AASDH: variants seen among roughly 807,000 people sequenced by gnomAD.
AASDH encodes beta-alanine-activating enzyme.
AASDH carries 81 observed loss-of-function variants against 102.3 expected under a neutral mutation model. That is an observed-to-expected ratio of 0.79 (90% CI 0.66 to 0.95). The LOEUF is 0.95. AASDH is among the 40% of genes least tolerant of loss of function. The pLI, the probability that AASDH is intolerant of heterozygous loss-of-function variation, is 0.00. For missense variants in AASDH, 1,203 were observed against 1,266.2 expected, an observed-to-expected ratio of 0.95 and a Z score of 0.76; for synonymous variants, 398 against 454.0, an observed-to-expected ratio of 0.88 and a Z score of 1.57.
In AASDH at chr4:56,353,487, A is replaced by T. The variant is rs1323659577; in HGVS notation, c.1493T>A (p.Phe498Tyr). ...TGGAAGATATTTCTGCAGTTCTTTAAAGATGTATTCTTTTACTGAAGCATC... is the reference window on the plus strand; with the variant it reads ...TGGAAGATATTTCTGCAGTTCTTTATAGATGTATTCTTTTACTGAAGCATC... ...SKDASVKEYI[F>Y]KELQKYLPSH... The change falls in exon 9 of 15, where the codon TTT (phenylalanine) becomes TAT (tyrosine). Residue 498 changes from phenylalanine to tyrosine, a missense_variant. By Grantham distance (22) the Phe-to-Tyr change is conservative (BLOSUM62 3). Coordinates refer to ENST00000205214, the MANE Select transcript of AASDH (RefSeq NM_181806.4). The T allele has an allele frequency of 1.2e-6, 2 of 1,613,926 alleles. No individual in the cohort carries two copies. The highest frequency in any genetic ancestry group is 1.7e-6 in the Non-Finnish European group (2 of 1,179,976).
At chr4:56,348,990 T>C in intron 11 of AASDH, 1 of 480,742 alleles carries the variant, frequency 2.1e-6, no homozygotes, top group Non-Finnish European at 3.7e-6. Context: ...ATTTTATTAT[T>C]ATTCCCATTT....
Position 56,349,788 on chromosome 4 carries a change from C to T in AASDH, c.1963G>A (p.Glu655Lys). ...KRKLSDINQE[E>K]ASGTSLHQKA... ...TGATGTAAAGATGTTCCACTGGCTT[C>T]CTCTTGATTAATGTCGCTGAGTTTC... The change falls in exon 11 of 15, where the codon GAA (glutamate) becomes AAA (lysine). Residue 655 changes from glutamate to lysine, a missense_variant. Glu to Lys is a moderately conservative substitution (Grantham distance 56). Transcript: ENST00000205214. The T allele has an allele frequency of 6.2e-7, 1 of 1,614,200 alleles. No homozygotes were observed. Among genetic ancestry groups the T allele is most frequent in the Non-Finnish European group, 8.5e-7 (1 of 1,180,036 alleles).
Position 56,371,501 on chromosome 4 carries a change from A to G in AASDH, c.811T>C (p.Ser271Pro), listed in dbSNP as rs2109971101. Residue 271 changes from serine (S) to proline (P), a missense_variant, in exon 5 of 15, where the codon TCA becomes CCA. Transcript: ENST00000205214. ...GAAAAGAGAACGCTGGCTAATTTTG[A>G]TGGGAGCAACTTGACGGAAGTTGGT... ...IVPTSVKLLP[S>P]KLASVLFSHH... is the part of the protein sequence containing the mutation. 1 of 1,613,178 alleles carries G rather than the reference A, an allele frequency of 6.2e-7. No homozygotes were observed. Among genetic ancestry groups the G allele is most frequent in the Non-Finnish European group, 8.5e-7 (1 of 1,179,898 alleles).
At chr4:56,345,668 A>G (rs928798741) in intron 11 of AASDH, among the ~76,000 whole-genome samples, 4 of 152,208 alleles carry the variant, frequency 2.6e-5, no homozygotes, top group Middle Eastern at 3.2e-3. Context: ...CTAAGCCCCA[A>G]ATTATTCATC....
chr4:56,339,748 C>CAA (rs3036859), intron 14 of AASDH, among the ~76,000 whole-genome samples: 23,347 of 127,858 alleles, frequency 0.18, 2,329 homozygotes, highest in Admixed American at 0.27. Context: ...GACCTTGTTT[C>CAA]AAAAAAAAAA....
At chr4:56,380,122 C>T (rs1486487213) in intron 3 of AASDH, among the ~76,000 whole-genome samples, 3 of 152,080 alleles carry the variant, frequency 2.0e-5, no homozygotes, top group Admixed American at 1.3e-4. Context: ...TATTCTGTTA[C>T]AAGAGGAGTG....
intron 14 of AASDH, among the ~76,000 whole-genome samples, chr4:56,342,275 G>C (rs979239841): frequency 6.6e-6 from 1 of 152,188 alleles, no homozygotes; most frequent in East Asian, 1.9e-4. Context: ...GTATATTTCA[G>C]AACAGCTAAA....
At chr4:56,374,286 T>A (rs1342381276) in intron 4 of AASDH, among the ~76,000 whole-genome samples, 1 of 146,460 alleles carries the variant, frequency 6.8e-6, no homozygotes, top group East Asian at 2.0e-4. Flanking sequence ...AAGAATAGCT[T>A]GAACCTGGGA....
intron 3 of AASDH, among the ~76,000 whole-genome samples, 189 bp from the exon 4 acceptor site, chr4:56,378,653 A>C (rs11724302): frequency 0.016 from 2,443 of 152,050 alleles, 78 homozygotes; most frequent in African/African-American, 0.055. Context: ...TTGCATATAA[A>C]CCATGCACAT....
intron 5 of AASDH, among the ~76,000 whole-genome samples, chr4:56,367,740 T>A (rs1277166459): frequency 6.7e-6 from 1 of 149,964 alleles, no homozygotes; most frequent in East Asian, 1.9e-4. Context: ...AAGACTTACA[T>A]GTTAGACCTA....
intron 8 of AASDH, among the ~76,000 whole-genome samples, 177 bp downstream of exon 8, chr4:56,353,862 C>T (rs896659930): frequency 3.3e-5 from 5 of 152,038 alleles, no homozygotes; most frequent in African/African-American, 1.2e-4. Context: ...AAAGAATAAC[C>T]ATCTCTTCAT....
At position 56,363,713 on chromosome 4, in the gene AASDH, C is replaced by T. The variant is rs184287615; in HGVS notation, c.861+7738G>A. Among the ~76,000 whole-genome samples the T allele has an allele frequency of 1.4e-3, 216 of 152,224 alleles. 1 individual carries two copies. Among genetic ancestry groups the T allele is most frequent in the African/African-American group, 5.0e-3 (206 of 41,516 alleles). On this transcript the variant is annotated intron_variant, in intron 5 of 14. Coordinates refer to ENST00000205214, the MANE Select transcript of AASDH (RefSeq NM_181806.4). ...ACAGAAAGGACATCCACACCAGAAA[C>T]CCATCTGTACGTCACCATCATCAAA...
At chr4:56,370,979 A>T (rs978079353) in intron 5 of AASDH, among the ~76,000 whole-genome samples, 5 of 152,262 alleles carry the variant, frequency 3.3e-5, no homozygotes, top group African/African-American at 1.2e-4. Flanking sequence ...ATCACCAGTC[A>T]GATACACATT....
At chr4:56,371,671 G>A (rs1454926980) in intron 4 of AASDH, 28 bp from the exon 5 acceptor site, 2 of 1,571,630 alleles carry the variant, frequency 1.3e-6, no homozygotes, top group African/African-American at 2.7e-5. Context: ...GCAGTTATGA[G>A]AAACGTCAAA....
chr4:56,371,895 T>G (rs1213344923), intron 4 of AASDH, among the ~76,000 whole-genome samples: 4 of 152,202 alleles, frequency 2.6e-5, no homozygotes, highest in Non-Finnish European at 5.9e-5. Flanking sequence ...TTTTGATGTG[T>G]CAACTTGGTT....
At chr4:56,354,656 G>C (rs1460061800) in intron 7 of AASDH, 49 bp downstream of exon 7, 1 of 1,344,576 alleles carries the variant, frequency 7.4e-7, no homozygotes, top group Non-Finnish European at 1.0e-6. Flanking sequence ...TAACACATCA[G>C]ATCATTTTTC....
At chr4:56,368,825 T>C (rs561810631) in intron 5 of AASDH, among the ~76,000 whole-genome samples, 1 of 150,748 alleles carries the variant, frequency 6.6e-6, no homozygotes, top group Non-Finnish European at 1.5e-5. Flanking sequence ...TATACATATG[T>C]AACAAACCTG....
chr4:56,345,272 A>G lies in AASDH; in HGVS notation c.2507T>C (p.Val836Ala), dbSNP rs951975005. 20 of 1,612,888 alleles carry G rather than the reference A, an allele frequency of 1.2e-5. No individual in the cohort carries two copies. Among genetic ancestry groups the G allele is most frequent in the Non-Finnish European group, 1.7e-5 (20 of 1,179,084 alleles). Reference protein sequence around the residue: ...FIVVGCYNGLVYVLKSNSGEK... With the variant: ...FIVVGCYNGLAYVLKSNSGEK... ...TCCACTATTACTTTTCAGAACATAA[A>G]CTAATCCATTATAACAGCCTACCAA... Residue 836 changes from valine (V) to alanine (A), a missense_variant, in exon 12 of 15, where the codon GTT (valine) becomes GCT (alanine). Coordinates refer to ENST00000205214, the MANE Select transcript of AASDH (RefSeq NM_181806.4).
chr4:56,338,727 T>C lies in AASDH; in HGVS notation c.2972A>G (p.Lys991Arg). The C allele has an allele frequency of 6.2e-7, 1 of 1,614,178 alleles. No homozygotes were observed. The highest frequency in any genetic ancestry group is 1.7e-5 in the Admixed American group (1 of 60,022). The stretch of plus-strand genomic sequence containing the variant: ...GCAATCATGGGAACCAAAAAATATT[T>C]TTTGCTCTGATGGTGAGGTACACGG... ...SSPCTSPSEQ[K>R]IFFGSHDCFI... The change falls in exon 15 of 15, where the codon AAA becomes AGA. Residue 991 changes from lysine (K) to arginine (R), a missense_variant. By Grantham distance (26) the Lys-to-Arg change is conservative. Coordinates refer to ENST00000205214, the MANE Select transcript of AASDH (RefSeq NM_181806.4).
Sources: allele counts gnomAD v4.1 joint callset (sites outside exome capture counted in the v4.1 genomes callset), GRCh38; gene constraint gnomAD v4.1.1; transcripts MANE v1.5; gene names NCBI Gene and HGNC (gene_info 2026-07-23, HGNC 2026-07-21).